The following SIPA1L3 variants were observed in gnomAD, a reference collection of about 807,000 sequenced individuals.
The protein encoded by SIPA1L3 is signal induced proliferation associated 1 like 3, also known as signal-induced proliferation-associated 1-like protein 3.
SIPA1L3 carries 59 observed loss-of-function variants against 150.1 expected under a neutral mutation model. The observed-to-expected ratio is 0.39, with a 90% CI of 0.32 to 0.49. The LOEUF is 0.49. SIPA1L3 is among the 20% of genes least tolerant of loss of function. The pLI is 0.86. For missense variants in SIPA1L3, 2,211 were observed against 2,489.5 expected (o/e 0.89, Z 2.38); for synonymous variants, 1,070 against 1,077.6 (o/e 0.99, Z 0.14).
intron 1 of SIPA1L3, among the ~76,000 whole-genome samples, chr19:38,001,670 C>T (rs1967810678): frequency 5.3e-5 from 8 of 152,196 alleles, no homozygotes; most frequent in Admixed American, 5.2e-4. Context: ...CAAAGCAATC[C>T]TGCCGCCTTG....
chr19:38,054,188 T>C (rs1465775968), intron 2 of SIPA1L3, among the ~76,000 whole-genome samples: 1 of 151,764 alleles, frequency 6.6e-6, no homozygotes, highest in Non-Finnish European at 1.5e-5. Context: ...CTACTAAAAA[T>C]ACAAAACTAG....
At chr19:37,916,316 C>T (rs983861252) in intron 1 of SIPA1L3, among the ~76,000 whole-genome samples, 3 of 151,760 alleles carry the variant, frequency 2.0e-5, no homozygotes, top group East Asian at 3.9e-4. Context: ...CGTGAGCCAC[C>T]GCATCTGACC....
intron 1 of SIPA1L3, among the ~76,000 whole-genome samples, chr19:37,920,112 TA>T (rs912600644): frequency 1.3e-5 from 2 of 149,254 alleles, no homozygotes; most frequent in Admixed American, 6.8e-5. Context: ...CAGGCTGGAG[TA>T]CAGTGGCATG....
intron 20 of SIPA1L3, 112 bp downstream of exon 20, chr19:38,202,109 G>A (rs1200154022): frequency 1.1e-5 from 12 of 1,093,758 alleles, no homozygotes; most frequent in Admixed American, 5.7e-5. Context: ...CTCTCCGGGC[G>A]GAAGCTGATA....
intron 10 of SIPA1L3, among the ~76,000 whole-genome samples, chr19:38,133,755 G>A (rs1007868222): frequency 1.3e-5 from 2 of 152,146 alleles, no homozygotes; most frequent in Non-Finnish European, 2.9e-5. Flanking sequence ...CCCTGTGCCC[G>A]GTTTCCTCAT....
rs181510588 is a variant in SIPA1L3 at position 38,060,884 on chromosome 19, A to G, written c.-310-20372A>G. On this transcript the variant is annotated intron_variant, in intron 2 of 21. Coordinates refer to ENST00000222345, the MANE Select transcript of SIPA1L3 (RefSeq NM_015073.3). ...TTTTTGTATTTTTAGTAGAGACGGG[A>G]TTTCATCATGTTGGCCAGGCTGGTC... 1.8e-3 allele frequency among the ~76,000 whole-genome samples: 268 copies of G among 151,844 alleles called. 1 individual carries two copies. Among genetic ancestry groups the G allele is most frequent in the African/African-American group, 5.8e-3 (239 of 41,412 alleles).
intron 18 of SIPA1L3, among the ~76,000 whole-genome samples, chr19:38,197,015 C>G (rs558000322): frequency 6.6e-6 from 1 of 152,164 alleles, no homozygotes; most frequent in Non-Finnish European, 1.5e-5. Context: ...GTGTATACCT[C>G]ATATGTAGTC....
intron 16 of SIPA1L3, chr19:38,186,299 T>A (rs945493348): frequency 6.6e-6 from 1 of 152,088 alleles, no homozygotes; most frequent in Admixed American, 6.6e-5. Flanking sequence ...TTTATTTATT[T>A]ATTAATCTAT....
At chr19:38,034,006 G>C (rs112398531) in intron 2 of SIPA1L3, among the ~76,000 whole-genome samples, 5 of 152,320 alleles carry the variant, frequency 3.3e-5, no homozygotes, top group African/African-American at 1.2e-4. Flanking sequence ...CAGCACACCT[G>C]GAGGTGCTTG....
intron 20 of SIPA1L3, 183 bp from the exon 21 acceptor site, chr19:38,203,944 C>A: frequency 1.7e-6 from 1 of 589,552 alleles, no homozygotes; most frequent in Non-Finnish European, 3.0e-6. Flanking sequence ...CAGAGGTGCC[C>A]TTGGTGGGTG....
intron 1 of SIPA1L3, among the ~76,000 whole-genome samples, chr19:38,016,865 T>G (rs1968244842): frequency 1.3e-5 from 2 of 150,298 alleles, no homozygotes; most frequent in Non-Finnish European, 3.0e-5. Flanking sequence ...TACCAGATAC[T>G]TCTTTTTCTG....
At chr19:38,139,869 C>T (rs1262051371) in intron 10 of SIPA1L3, among the ~76,000 whole-genome samples, 7 of 152,242 alleles carry the variant, frequency 4.6e-5, no homozygotes, top group African/African-American at 4.8e-5. Context: ...AGGAACGCCA[C>T]GTCCAAATAC....
At chr19:38,028,761 T>A (rs1968574221) in intron 1 of SIPA1L3, among the ~76,000 whole-genome samples, 1 of 151,580 alleles carries the variant, frequency 6.6e-6, no homozygotes. Flanking sequence ...GGCACAATCT[T>A]GGCTCATTGC....
intron 21 of SIPA1L3, among the ~76,000 whole-genome samples, chr19:38,205,231 G>A (rs1161929851): frequency 2.0e-5 from 3 of 152,014 alleles, no homozygotes; most frequent in East Asian, 1.9e-4. Flanking sequence ...CACTTTGGGA[G>A]GCCGAGGTGG....
intron 2 of SIPA1L3, among the ~76,000 whole-genome samples, chr19:38,069,868 G>GT (rs1395151788): frequency 6.6e-6 from 1 of 151,230 alleles, no homozygotes; most frequent in African/African-American, 2.4e-5. Flanking sequence ...TAGAGATGGG[G>GT]TTTTACCATG....
At chr19:37,981,407 A>G (rs1360468783) in intron 1 of SIPA1L3, among the ~76,000 whole-genome samples, 3 of 143,982 alleles carry the variant, frequency 2.1e-5, no homozygotes, top group Non-Finnish European at 1.5e-5. Context: ...CTGGCGACAG[A>G]GGGAGACCCT....
At chr19:38,077,675 T>TTC (rs1969875744) in intron 2 of SIPA1L3, among the ~76,000 whole-genome samples, 1 of 118,764 alleles carries the variant, frequency 8.4e-6, no homozygotes, top group South Asian at 3.0e-4. Context: ...TTTTTTTTTT[T>TTC]TTTTTTTTTT....
chr19:38,063,144 G>C (rs567759239), intron 2 of SIPA1L3, among the ~76,000 whole-genome samples: 63 of 152,300 alleles, frequency 4.1e-4, no homozygotes, highest in African/African-American at 1.5e-3. Context: ...GACAGCCCTG[G>C]GTCAGGGGCC....
At chr19:37,960,351 C>T (rs2046846111) in intron 1 of SIPA1L3, among the ~76,000 whole-genome samples, 1 of 151,996 alleles carries the variant, frequency 6.6e-6, no homozygotes. Flanking sequence ...GATCCTCCAC[C>T]TCAGCCTTCT....
Sources: gnomAD v4.1 joint callset for allele counts (sites outside exome capture counted in the v4.1 genomes callset) on GRCh38, gnomAD v4.1.1 for gene constraint, MANE v1.5 for transcripts, NCBI Gene and HGNC (gene_info 2026-07-23, HGNC 2026-07-21) for gene names.